CRPPA: variants seen among roughly 807,000 people sequenced by gnomAD.
The protein encoded by CRPPA is CDP-L-ribitol pyrophosphorylase A, also known as D-ribitol-5-phosphate cytidylyltransferase.
A neutral mutation model predicts 52.0 loss-of-function variants in CRPPA; 43 were observed. That is an observed-to-expected ratio of 0.83 (90% CI 0.65 to 1.07). The LOEUF is 1.07. CRPPA is among the 50% of genes least tolerant of loss of function. The probability of loss-of-function intolerance (pLI) is 0.00; values close to 1 mark genes in which losing one functional copy is unlikely to be tolerated. For synonymous variants in CRPPA, 250 were observed against 203.5 expected (o/e 1.23, Z -1.94); for missense variants, 629 against 551.7 (o/e 1.14, Z -1.40).
intron 5 of CRPPA, among the ~76,000 whole-genome samples, chr7:16,289,860 C>G (rs986203716): frequency 6.6e-6 from 1 of 151,980 alleles, no homozygotes; most frequent in Non-Finnish European, 1.5e-5. Flanking sequence ...AAAAGACATC[C>G]AAAATGGCAA....
At chr7:16,148,576 G>C (rs374007474) in intron 9 of CRPPA, among the ~76,000 whole-genome samples, 2 of 152,210 alleles carry the variant, frequency 1.3e-5, no homozygotes, top group East Asian at 3.9e-4. Flanking sequence ...GTAAGTGAGA[G>C]CTAAAACAAT....
At chr7:16,278,462 C>G (rs531673644) in intron 5 of CRPPA, among the ~76,000 whole-genome samples, 1 of 152,260 alleles carries the variant, frequency 6.6e-6, no homozygotes, top group South Asian at 2.1e-4. Flanking sequence ...AGCCATTGTG[C>G]AACTAACAGA....
intron 8 of CRPPA, among the ~76,000 whole-genome samples, chr7:16,254,819 AAGAAAGAAAGAAAGAAAG>A (rs1208754565): frequency 6.7e-6 from 1 of 149,010 alleles, no homozygotes; most frequent in East Asian, 2.0e-4. Flanking sequence ...GAAAGAAAGA[AAGAAAGAAAGAAAGAAAG>A]AAAGAAAGAG....
chr7:16,241,886 A>C (rs1783118012), intron 8 of CRPPA, among the ~76,000 whole-genome samples: 1 of 150,184 alleles, frequency 6.7e-6, no homozygotes, highest in Non-Finnish European at 1.5e-5. Context: ...CAAGGAACCC[A>C]GCCTACAGTT....
At chr7:16,163,785 G>C (rs1780977209) in intron 9 of CRPPA, among the ~76,000 whole-genome samples, 1 of 152,104 alleles carries the variant, frequency 6.6e-6, no homozygotes, top group African/African-American at 2.4e-5. Context: ...AGCTTTGTTT[G>C]GCTGCTTATG....
chr7:16,319,481 G>A (rs556244852), intron 3 of CRPPA, among the ~76,000 whole-genome samples: 3 of 152,162 alleles, frequency 2.0e-5, no homozygotes, highest in South Asian at 2.1e-4. Context: ...TTCCTTGATC[G>A]ACTCATTTTG....
chr7:16,334,565 C>T (rs1008620760), intron 3 of CRPPA, among the ~76,000 whole-genome samples: 8 of 152,162 alleles, frequency 5.3e-5, no homozygotes, highest in Non-Finnish European at 1.2e-4. Context: ...TGGAGTCCTT[C>T]ACACAATCCT....
In CRPPA at chr7:16,230,101, A is replaced by G. The variant is rs147104089; in HGVS notation, c.1120-13904T>C. 6.3e-3 allele frequency among the ~76,000 whole-genome samples: 960 copies of G among 152,156 alleles called. 2 individuals carry two copies. Among genetic ancestry groups the G allele is most frequent in the Non-Finnish European group, 0.01 (687 of 67,972 alleles). On this transcript the variant is annotated intron_variant, in intron 8 of 9. Coordinates refer to ENST00000407010, the MANE Select transcript of CRPPA (RefSeq NM_001101426.4). Reference sequence around the variant, plus strand: ...TTTGATTTTTGATAGCATTATTATAATATGTCTTGGAGAGTCACCTTATTT... The same window carrying G: ...TTTGATTTTTGATAGCATTATTATAGTATGTCTTGGAGAGTCACCTTATTT...
At chr7:16,398,180 C>A (rs546490888) in intron 2 of CRPPA, among the ~76,000 whole-genome samples, 32 of 152,082 alleles carry the variant, frequency 2.1e-4, no homozygotes, top group Non-Finnish European at 4.1e-4. Flanking sequence ...CATGATCGGC[C>A]TGTTGCCAAC....
At chr7:16,197,303 C>G (rs753557644) in intron 9 of CRPPA, among the ~76,000 whole-genome samples, 62 of 152,262 alleles carry the variant, frequency 4.1e-4, no homozygotes, top group Non-Finnish European at 8.1e-4. Context: ...CTAAAAAAGA[C>G]AAATGTACTT....
intron 8 of CRPPA, among the ~76,000 whole-genome samples, chr7:16,243,968 A>C (rs1225152229): frequency 6.6e-6 from 1 of 152,226 alleles, no homozygotes; most frequent in African/African-American, 2.4e-5. Context: ...TGTCTCAGTC[A>C]ATCAATCAAC....
intron 9 of CRPPA, among the ~76,000 whole-genome samples, chr7:16,111,870 T>C (rs1782271779): frequency 1.3e-5 from 2 of 152,172 alleles, no homozygotes; most frequent in Non-Finnish European, 2.9e-5. Context: ...TAGTTAATAA[T>C]GGGAATATTG....
chr7:16,399,363 C>T (rs918679797), intron 2 of CRPPA, among the ~76,000 whole-genome samples: 4 of 151,968 alleles, frequency 2.6e-5, no homozygotes, highest in East Asian at 1.9e-4. Flanking sequence ...ACATGATTGA[C>T]GTGACACATT....
intron 2 of CRPPA, among the ~76,000 whole-genome samples, chr7:16,398,145 T>C (rs949493809): frequency 1.3e-5 from 2 of 151,978 alleles, no homozygotes; most frequent in African/African-American, 2.4e-5. Flanking sequence ...GACTGACACA[T>C]GACATGTGAA....
At chr7:16,194,269 A>C (rs980764483) in intron 9 of CRPPA, among the ~76,000 whole-genome samples, 3 of 152,152 alleles carry the variant, frequency 2.0e-5, no homozygotes, top group African/African-American at 7.2e-5. Context: ...GAACACTGAA[A>C]GATAAGGTAG....
At chr7:16,250,800 T>A (rs1439296973) in intron 8 of CRPPA, among the ~76,000 whole-genome samples, 2 of 152,232 alleles carry the variant, frequency 1.3e-5, no homozygotes, top group Admixed American at 1.3e-4. Context: ...ATTGATGCTA[T>A]AAAGAAACTG....
At chr7:16,112,546 G>A (rs1248024640) in intron 9 of CRPPA, among the ~76,000 whole-genome samples, 1 of 152,102 alleles carries the variant, frequency 6.6e-6, no homozygotes, top group Non-Finnish European at 1.5e-5. Flanking sequence ...AGACAAGAAT[G>A]ACTGATGTGT....
chr7:16,341,730 T>C (rs1437162681), intron 3 of CRPPA, among the ~76,000 whole-genome samples: 1 of 152,184 alleles, frequency 6.6e-6, no homozygotes, highest in African/African-American at 2.4e-5. Flanking sequence ...ACTTCCCAAA[T>C]ATATTTTACA....
intron 4 of CRPPA, among the ~76,000 whole-genome samples, chr7:16,301,989 G>A (rs186538847): frequency 2.0e-5 from 3 of 152,236 alleles, no homozygotes; most frequent in East Asian, 3.9e-4. Context: ...AATAGAAAGA[G>A]CCTATAGGGT....
Sources: gnomAD v4.1 joint callset for allele counts (sites outside exome capture counted in the v4.1 genomes callset) on GRCh38, gnomAD v4.1.1 for gene constraint, MANE v1.5 for transcripts, NCBI Gene and HGNC (gene_info 2026-07-23, HGNC 2026-07-21) for gene names.